NCAM1: variants seen among roughly 807,000 people sequenced by gnomAD.
The protein encoded by NCAM1 is antigen recognized by monoclonal antibody 5.1H11.
Under a neutral mutation model 109.8 loss-of-function variants are expected in NCAM1, and 14 were observed. The observed-to-expected ratio is 0.13, with a 90% CI of 0.08 to 0.20. The LOEUF (loss-of-function observed/expected upper bound fraction) is 0.20. NCAM1 is among the 10% of genes least tolerant of loss of function. NCAM1 has a pLI of 1.00. For missense variants in NCAM1, 774 were observed against 1,109.9 expected, an observed-to-expected ratio of 0.70 and a Z score of 4.30; for synonymous variants, 418 against 442.9, an observed-to-expected ratio of 0.94 and a Z score of 0.70.
intron 1 of NCAM1, chr11:113,130,889 G>A (rs531266689): frequency 1.3e-5 from 2 of 152,316 alleles, no homozygotes; most frequent in African/African-American, 2.4e-5. Context: ...TCTTCCTAAG[G>A]TAGAATGGTG....
At chr11:113,008,454 C>T (rs550499447) in intron 1 of NCAM1, among the ~76,000 whole-genome samples, 2 of 152,254 alleles carry the variant, frequency 1.3e-5, no homozygotes, top group South Asian at 2.1e-4. Flanking sequence ...TCATTTCAGC[C>T]GTGGAAATAT....
At chr11:113,210,783 C>CAA (rs1207478667) in intron 7 of NCAM1, among the ~76,000 whole-genome samples, 1 of 136,532 alleles carries the variant, frequency 7.3e-6, no homozygotes, top group African/African-American at 2.7e-5. Context: ...CAAACACACA[C>CAA]ACACACACAC....
rs782770368 is a variant in NCAM1, at chr11:113,204,274, C to G, written c.128-12C>G. 1.3e-5 allele frequency: 21 copies of G among 1,596,516 alleles called. No individual in the cohort carries two copies. In the African/African-American group the frequency reaches 1.7e-4, roughly 13 times the overall value. On this transcript the variant is annotated splice_polypyrimidine_tract_variant and intron_variant, in intron 2 of 19. Coordinates refer to ENST00000316851, the MANE Select transcript of NCAM1 (RefSeq NM_181351.5). The stretch of plus-strand genomic sequence containing the variant: ...GACTTCAGTAGCTTAAAAATAATCT[C>G]TTCCTCTTTAGTGGCAGGAGATGCC...
In NCAM1 at chr11:113,170,714, A is replaced by G. The variant is rs183458833; in HGVS notation, c.53-31665A>G. The stretch of plus-strand genomic sequence containing the variant: ...GTCTCCCTGGCCTAGTTGGTTATTA[A>G]ACAGTGGGCCTAAAAAAACTAAGGG... On this transcript the variant is annotated intron_variant, in intron 1 of 19. Transcript: ENST00000316851. 1.6e-4 allele frequency among the ~76,000 whole-genome samples: 25 copies of G among 152,130 alleles called. No homozygotes were observed. In the East Asian group the frequency reaches 4.4e-3, roughly 27 times the overall value.
intron 9 of NCAM1, among the ~76,000 whole-genome samples, chr11:113,222,467 A>G (rs1555115493): frequency 6.6e-6 from 1 of 152,210 alleles, no homozygotes. Context: ...CTTCCTGTGT[A>G]TAAGACTGTC....
Position 113,271,808 on chromosome 11 carries a change from G to T in NCAM1, c.2388G>T (p.Glu796Asp). ...EPIVEVRTEE[E>D]RTPNHDGGKH... is the part of the protein sequence containing the mutation. ...TCGTGGAGGTTCGAACGGAGGAGGAGAGGACCCCAAACCATGATGGAGGGA... is the reference window on the plus strand; with the variant it reads ...TCGTGGAGGTTCGAACGGAGGAGGATAGGACCCCAAACCATGATGGAGGGA... The change falls in exon 19 of 20, where the codon GAG becomes GAT. Residue 796 changes from glutamate (E) to aspartate (D), a missense_variant. Transcript: ENST00000316851. The T allele has an allele frequency of 6.4e-7, 1 of 1,571,462 alleles. No individual in the cohort carries two copies. The highest frequency in any genetic ancestry group is 8.6e-7 in the Non-Finnish European group (1 of 1,158,654).
At chr11:113,204,615 G>T (rs1485975234) in intron 3 of NCAM1, 111 bp downstream of exon 3, 4 of 1,047,442 alleles carry the variant, frequency 3.8e-6, no homozygotes, top group Non-Finnish European at 5.5e-6. Context: ...GGCCTAACCA[G>T]TCCCATTCTC....
chr11:113,113,403 C>G (rs1289875283), intron 1 of NCAM1, among the ~76,000 whole-genome samples: 20 of 152,218 alleles, frequency 1.3e-4, no homozygotes, highest in African/African-American at 4.8e-4. Context: ...AGGAACTTGC[C>G]ATTGTTCATT....
intron 1 of NCAM1, among the ~76,000 whole-genome samples, chr11:112,967,635 C>T (rs1950763501): frequency 6.6e-6 from 1 of 152,140 alleles, no homozygotes. Flanking sequence ...CATTAGTGAG[C>T]AAGAAGGATA....
intron 1 of NCAM1, among the ~76,000 whole-genome samples, chr11:113,074,319 G>C (rs1170664629): frequency 6.6e-6 from 1 of 152,160 alleles, no homozygotes; most frequent in Admixed American, 6.5e-5. Context: ...GGTACCCCTG[G>C]ATTTGTATAG....
At chr11:112,967,474 T>A (rs1950759532) in intron 1 of NCAM1, among the ~76,000 whole-genome samples, 1 of 152,172 alleles carries the variant, frequency 6.6e-6, no homozygotes, top group Admixed American at 6.5e-5. Context: ...CCCAGACATA[T>A]CCCTTACTAG....
intron 1 of NCAM1, among the ~76,000 whole-genome samples, chr11:113,171,751 C>G (rs1555106298): frequency 6.6e-6 from 1 of 152,156 alleles, no homozygotes; most frequent in Non-Finnish European, 1.5e-5. Flanking sequence ...TTGGGTAATT[C>G]ATTGCTTTCC....
chr11:113,138,261 A>G (rs1258664207), intron 1 of NCAM1, among the ~76,000 whole-genome samples: 1 of 152,164 alleles, frequency 6.6e-6, no homozygotes, highest in Non-Finnish European at 1.5e-5. Flanking sequence ...CGAGTTTGAG[A>G]GATGAATGTG....
intron 1 of NCAM1, among the ~76,000 whole-genome samples, chr11:113,097,330 G>C (rs1565434252): frequency 6.6e-6 from 1 of 152,210 alleles, no homozygotes; most frequent in South Asian, 2.1e-4. Context: ...CTGCACAAAT[G>C]ATAACTCATT....
At chr11:113,027,487 T>C (rs1336351160) in intron 1 of NCAM1, among the ~76,000 whole-genome samples, 2 of 152,238 alleles carry the variant, frequency 1.3e-5, no homozygotes, top group Non-Finnish European at 2.9e-5. Context: ...TTGGTCTTCA[T>C]CAAGACCTTT....
chr11:113,233,698 G>A lies in NCAM1; in HGVS notation c.1693+381G>A, dbSNP rs1321182468. ...CAGGTTCTCTGCCGACACCCGGCCAGTCCTGCTTGGATATCTGTACTCAGG... is the reference window on the plus strand; with the variant it reads ...CAGGTTCTCTGCCGACACCCGGCCAATCCTGCTTGGATATCTGTACTCAGG... On this transcript the variant is annotated intron_variant, in intron 13 of 19. Transcript: ENST00000316851. This position sits in a 1 kb window ranked among gnomAD's most constrained non-coding sequence, Gnocchi z 4.5. Among the ~76,000 whole-genome samples the A allele has an allele frequency of 1.3e-5, 2 of 152,208 alleles. No individual in the cohort carries two copies. Among genetic ancestry groups the A allele is most frequent in the Non-Finnish European group, 2.9e-5 (2 of 68,038 alleles).
chr11:113,219,721 A>T (rs1555114926), intron 8 of NCAM1, among the ~76,000 whole-genome samples: 1 of 152,244 alleles, frequency 6.6e-6, no homozygotes, highest in Non-Finnish European at 1.5e-5. Context: ...GAGAGACACA[A>T]GGATAATCAG....
Position 113,273,488 on chromosome 11 carries a change from C to T in NCAM1, c.2456+1612C>T, listed in dbSNP as rs967955677. On this transcript the variant is annotated intron_variant, in intron 19 of 19. Coordinates refer to ENST00000316851, the MANE Select transcript of NCAM1 (RefSeq NM_181351.5). This position sits in a 1 kb window ranked among gnomAD's most constrained non-coding sequence, Gnocchi z 6.0. ...ACCCGGAGCCCACCCAGCCCGGAGC[C>T]GCGAAGAGCCCGGCCGAGGCAGCCA... The T allele has an allele frequency of 3.8e-5, 13 of 338,310 alleles. No individual in the cohort carries two copies. The highest frequency in any genetic ancestry group is 7.1e-5 in the Non-Finnish European group (12 of 168,498). 21.0% of individuals were successfully genotyped at this position (338,310 alleles called of 1,614,324 possible).
chr11:113,182,024 A>AT (rs1305587827), intron 1 of NCAM1, among the ~76,000 whole-genome samples: 1 of 152,162 alleles, frequency 6.6e-6, no homozygotes. Flanking sequence ...CAATACAGTG[A>AT]TTTTTTTCTC....
Sources: allele counts gnomAD v4.1 joint callset (sites outside exome capture counted in the v4.1 genomes callset), GRCh38; gene constraint gnomAD v4.1.1; non-coding constraint Gnocchi (gnomAD v3.1); transcripts MANE v1.5; gene names NCBI Gene and HGNC (gene_info 2026-07-23, HGNC 2026-07-21).